Variants in RAB3GAP1 observed in about 807,000 individuals in gnomAD.
RAB3GAP1 encodes RAB3 GTPase activating protein catalytic subunit 1, also known as rab3 GTPase-activating protein catalytic subunit.
RAB3GAP1 carries 86 observed loss-of-function variants against 130.7 expected under a neutral mutation model. That is an observed-to-expected ratio of 0.66 (90% confidence interval 0.55 to 0.79). The LOEUF (loss-of-function observed/expected upper bound fraction) is 0.79, where lower values mean the gene tolerates loss of function less well. RAB3GAP1 is among the 30% of genes least tolerant of loss of function. RAB3GAP1 has a pLI of 0.00. For missense variants in RAB3GAP1, 1,029 were observed against 1,169.4 expected (o/e 0.88, Z 1.75); for synonymous variants, 367 against 401.7 (o/e 0.91, Z 1.03).
intron 7 of RAB3GAP1, among the ~76,000 whole-genome samples, chr2:135,117,636 G>GCTTCTT (rs1190948966): frequency 1.4e-4 from 2 of 13,858 alleles, no homozygotes; most frequent in African/African-American, 5.8e-4. Flanking sequence ...TTCTGCTTCT[G>GCTTCTT]CTTCTTCTTC....
chr2:135,089,850 G>A lies in RAB3GAP1; in HGVS notation c.151-1148G>A, dbSNP rs1293428778. 2.0e-5 allele frequency: 8 copies of A among 402,276 alleles called. No individual in the cohort carries two copies. The East Asian group carries it at 5.7e-4, about 29-fold the overall frequency. The allele number at this position is 402,276 out of a possible 1,614,324, so 24.9% of individuals were successfully genotyped here. A position where few individuals can be genotyped will look rare whatever the true frequency, so the allele number is the denominator to read the frequency against. On this transcript the variant is annotated intron_variant, in intron 3 of 23. Transcript: ENST00000264158. ...TTAACACGGGAACAGAAAACCAAAT[G>A]CTGCATGTTCTCACTCATAAGTGTG...
downstream of RAB3GAP1, among the ~76,000 whole-genome samples, chr2:135,174,358 C>T (rs996532536): frequency 2.6e-5 from 4 of 152,212 alleles, no homozygotes; most frequent in Non-Finnish European, 5.9e-5. Flanking sequence ...TGGAATGGCC[C>T]CTCCTCTTCA....
intron 7 of RAB3GAP1, among the ~76,000 whole-genome samples, chr2:135,118,476 T>G (rs897667208): frequency 5.3e-5 from 8 of 152,214 alleles, no homozygotes; most frequent in Admixed American, 4.6e-4. Flanking sequence ...CTTTTTCATC[T>G]TAGACATTCT....
At chr2:135,115,090 T>G in intron 6 of RAB3GAP1, 126 bp from the exon 7 acceptor site, 1 of 849,004 alleles carries the variant, frequency 1.2e-6, no homozygotes, top group Non-Finnish European at 1.8e-6. Context: ...CAAACCTGTG[T>G]TTTTGTTGTG....
intron 3 of RAB3GAP1, among the ~76,000 whole-genome samples, chr2:135,080,630 A>G (rs1222415322): frequency 6.6e-6 from 1 of 152,190 alleles, no homozygotes; most frequent in Non-Finnish European, 1.5e-5. Context: ...CTTTTCCCTG[A>G]GGATTTCTTA....
At chr2:135,117,474 GCTTCTTCTGCTT>G (rs1558784140) in intron 7 of RAB3GAP1, among the ~76,000 whole-genome samples, 9 of 27,440 alleles carry the variant, frequency 3.3e-4, no homozygotes, top group East Asian at 2.5e-3. Context: ...TTCTGCTTCT[GCTTCTTCTGCTT>G]CTTCTTCTGC....
rs1234443452 is a variant in RAB3GAP1 at position 135,135,905 on chromosome 2, A to T, written c.1896A>T (p.Gly632=). The T allele has an allele frequency of 1.2e-6, 2 of 1,614,124 alleles. No homozygotes were observed. The highest frequency in any genetic ancestry group is 2.2e-5 in the South Asian group (2 of 91,080). ...QHGKLTLLHN[G]EPLYIPVTQE... is the part of the protein sequence containing the mutation. ...GGAAACTTACACTGCTGCATAATGG[A>T]GAACCTCTCTACATTCCAGTAACCC... The change falls in exon 17 of 24, where the codon GGA becomes GGT. Residue 632 remains glycine, a synonymous_variant. Coordinates refer to ENST00000264158, the MANE Select transcript of RAB3GAP1 (RefSeq NM_012233.3).
At chr2:135,083,630 A>T (rs76113133) in intron 3 of RAB3GAP1, among the ~76,000 whole-genome samples, 9,196 of 141,504 alleles carry the variant, frequency 0.065, 522 homozygotes, top group African/African-American at 0.16. Flanking sequence ...TTAAAAAAAA[A>T]TTTTTTTTTT....
chr2:135,175,761 A>G (rs1692988117), intron 24 of RAB3GAP1, among the ~76,000 whole-genome samples: 2 of 152,178 alleles, frequency 1.3e-5, no homozygotes, highest in South Asian at 4.1e-4. Context: ...TAGGGGATAC[A>G]TTTTCAATTA....
chr2:135,109,887 G>T (rs1690748536), intron 5 of RAB3GAP1, among the ~76,000 whole-genome samples: 2 of 152,024 alleles, frequency 1.3e-5, no homozygotes, highest in South Asian at 4.2e-4. Flanking sequence ...CGGCCTTTGT[G>T]TATTTTCTTT....
At chr2:135,157,870 A>G (rs1692359101) in intron 19 of RAB3GAP1, among the ~76,000 whole-genome samples, 2 of 151,100 alleles carry the variant, frequency 1.3e-5, no homozygotes, top group Admixed American at 6.6e-5. Flanking sequence ...CTTGAACCCT[A>G]TTATTATCTA....
At chr2:135,111,914 C>T (rs1178536460) in intron 5 of RAB3GAP1, among the ~76,000 whole-genome samples, 1 of 152,164 alleles carries the variant, frequency 6.6e-6, no homozygotes, top group African/African-American at 2.4e-5. Context: ...AAAATCCTTC[C>T]ATTAAAAATA....
Position 135,059,545 on chromosome 2 carries a change from G to A in RAB3GAP1, c.150+1459G>A, listed in dbSNP as rs1055075690. On this transcript the variant is annotated intron_variant, in intron 3 of 23. Transcript: ENST00000264158. The stretch of plus-strand genomic sequence containing the variant: ...ATATATGATAGATGTACATATTTTG[G>A]GGTACATGTGATAATTTGATACATG... Among the ~76,000 whole-genome samples, 4 of 151,650 alleles carry A rather than the reference G, an allele frequency of 2.6e-5. No homozygotes were observed. In the East Asian group the frequency reaches 7.7e-4, roughly 29 times the overall value.
At chr2:135,074,019 C>T (rs1216037522) in intron 3 of RAB3GAP1, among the ~76,000 whole-genome samples, 2 of 152,176 alleles carry the variant, frequency 1.3e-5, no homozygotes, top group African/African-American at 2.4e-5. Context: ...GAAAGGATCT[C>T]CTGGCACTAG....
intron 5 of RAB3GAP1, among the ~76,000 whole-genome samples, chr2:135,109,453 T>TA (rs898195352): frequency 7.9e-4 from 121 of 152,270 alleles, no homozygotes; most frequent in African/African-American, 2.6e-3. Flanking sequence ...TCACTGTACA[T>TA]ACACCTTTTT....
chr2:135,077,283 A>G (rs1232185283), intron 3 of RAB3GAP1, among the ~76,000 whole-genome samples: 2 of 152,112 alleles, frequency 1.3e-5, no homozygotes, highest in Non-Finnish European at 2.9e-5. Context: ...AACAACAACA[A>G]CAACAACAAC....
rs1056548234 is a variant in RAB3GAP1 at position 135,126,787 on chromosome 2, A to T, written c.973+131A>T. 1.3e-5 allele frequency: 10 copies of T among 773,932 alleles called. No individual in the cohort carries two copies. The Admixed American group carries it at 1.7e-4, about 13-fold the overall frequency. 47.9% of individuals were successfully genotyped at this position (773,932 alleles called of 1,614,324 possible). ...CCATGTAGGAAAAAAATCATTGCCA[A>T]TAGCAGTGAATCCTTTTTTGAATAG... On this transcript the variant is annotated intron_variant, in intron 11 of 23. Transcript: ENST00000264158.
intron 5 of RAB3GAP1, among the ~76,000 whole-genome samples, chr2:135,112,832 T>TCACACACA (rs1421273149): frequency 4.3e-5 from 5 of 115,840 alleles, no homozygotes; most frequent in African/African-American, 2.5e-4. Context: ...TCTCTCTCTC[T>TCACACACA]CTCACACACA....
intron 3 of RAB3GAP1, among the ~76,000 whole-genome samples, chr2:135,075,963 T>C (rs553172985): frequency 6.6e-5 from 10 of 151,122 alleles, no homozygotes; most frequent in South Asian, 6.3e-4. Flanking sequence ...CAGGCTGTAG[T>C]GCAGTGGTGC....
Sources: allele counts gnomAD v4.1 joint callset (sites outside exome capture counted in the v4.1 genomes callset), GRCh38; gene constraint gnomAD v4.1.1; transcripts MANE v1.5; gene names NCBI Gene and HGNC (gene_info 2026-07-23, HGNC 2026-07-21).